DNAH14: variants seen among roughly 807,000 people sequenced by gnomAD.
The protein encoded by DNAH14 is dynein axonemal heavy chain 14, also known as axonemal beta dynein heavy chain 14.
DNAH14 carries 478 observed loss-of-function variants against 520.9 expected under a neutral mutation model. The ratio of observed to expected loss-of-function variants is 0.92; its 90% CI spans 0.85 to 0.99. The LOEUF (loss-of-function observed/expected upper bound fraction) is 0.99, where lower values mean the gene tolerates loss of function less well. Among genes scored for constraint, DNAH14 ranks in the 50% least tolerant of loss-of-function variants. The probability of loss-of-function intolerance (pLI) is 0.00; values close to 1 mark genes in which losing one functional copy is unlikely to be tolerated. For missense variants in DNAH14, 4,831 were observed against 5,234.5 expected, an observed-to-expected ratio of 0.92 and a Z score of 2.38; for synonymous variants, 1,581 against 1,757.2, an observed-to-expected ratio of 0.90 and a Z score of 2.51.
intron 17 of DNAH14, among the ~76,000 whole-genome samples, chr1:225,066,503 T>C (rs958029780): frequency 6.6e-6 from 1 of 152,062 alleles, no homozygotes; most frequent in African/African-American, 2.4e-5. Context: ...TTTTATTATG[T>C]ATTTTTATTT....
intron 37 of DNAH14, among the ~76,000 whole-genome samples, chr1:225,191,206 T>C (rs2085388060): frequency 6.6e-6 from 1 of 152,048 alleles, no homozygotes. Flanking sequence ...CATTTGAGCC[T>C]GAAGCATTTA....
chr1:225,319,301 A>T (rs1463586756), intron 61 of DNAH14, among the ~76,000 whole-genome samples: 2 of 152,202 alleles, frequency 1.3e-5, no homozygotes, highest in Non-Finnish European at 2.9e-5. Flanking sequence ...GGCTACAAAG[A>T]TCTGAGCCTA....
At chr1:225,154,337 T>C (rs1365524285) in intron 34 of DNAH14, among the ~76,000 whole-genome samples, 3 of 152,118 alleles carry the variant, frequency 2.0e-5, no homozygotes, top group Non-Finnish European at 4.4e-5. Flanking sequence ...TAAAAGGATA[T>C]TTAGTTTGTT....
At chr1:225,196,679 A>AT (rs2086184261) in intron 38 of DNAH14, among the ~76,000 whole-genome samples, 1 of 151,810 alleles carries the variant, frequency 6.6e-6, no homozygotes, top group African/African-American at 2.4e-5. Context: ...CCAACATCTT[A>AT]TTTTTGATTT....
At chr1:225,205,937 G>A (rs1039832542) in intron 39 of DNAH14, 34 bp from the exon 40 acceptor site, 26 of 1,485,832 alleles carry the variant, frequency 1.7e-5, no homozygotes, top group Non-Finnish European at 2.4e-5. Context: ...ACGGACATTA[G>A]TCTCAGTTAC....
intron 15 of DNAH14, among the ~76,000 whole-genome samples, chr1:225,046,625 T>C (rs1473919073): frequency 6.6e-6 from 1 of 152,144 alleles, no homozygotes; most frequent in Non-Finnish European, 1.5e-5. Flanking sequence ...ATGTTTTCCA[T>C]TGTATTTCTG....
At chr1:225,280,521 C>A (rs980814520) in intron 54 of DNAH14, among the ~76,000 whole-genome samples, 8 of 151,840 alleles carry the variant, frequency 5.3e-5, no homozygotes, top group Non-Finnish European at 1.2e-4. Flanking sequence ...ATGATGTGAA[C>A]CTGGGAGGCA....
At chr1:225,283,322 A>G (rs915591231) in intron 54 of DNAH14, among the ~76,000 whole-genome samples, 13 of 152,056 alleles carry the variant, frequency 8.5e-5, no homozygotes, top group African/African-American at 3.1e-4. Flanking sequence ...ATGGCTGAAA[A>G]TGAAAGGATG....
At chr1:225,100,968 A>C in intron 23 of DNAH14, 84 bp downstream of exon 23, 1 of 1,119,852 alleles carries the variant, frequency 8.9e-7, no homozygotes, top group Non-Finnish European at 1.2e-6. Context: ...TGCAGAAGCT[A>C]ATTCCAGTGC....
intron 57 of DNAH14, among the ~76,000 whole-genome samples, chr1:225,303,776 G>A (rs1286772336): frequency 6.6e-6 from 1 of 152,214 alleles, no homozygotes; most frequent in Non-Finnish European, 1.5e-5. Context: ...CAGAATTTAT[G>A]AGCCAACAGT....
intron 75 of DNAH14, among the ~76,000 whole-genome samples, chr1:225,362,324 C>T (rs1296257718): frequency 6.6e-6 from 1 of 152,164 alleles, no homozygotes; most frequent in Non-Finnish European, 1.5e-5. Context: ...CCTGTAATCC[C>T]AGCACTTTGG....
At position 225,308,281 on chromosome 1, in the gene DNAH14, T is replaced by C. The variant is rs756575901; in HGVS notation, c.9115-4T>C. 5 of 1,533,992 alleles carry C rather than the reference T, an allele frequency of 3.3e-6. No individual in the cohort carries two copies. Among genetic ancestry groups the C allele is most frequent in the Non-Finnish European group, 4.4e-6 (5 of 1,142,728 alleles). ...ATTCTAAGAACAATTATGTGCTTCA[T>C]TAGGAAACAGAAACTCTAATGGAAA... is the stretch of plus-strand genomic sequence containing the variant. On this transcript the variant is annotated splice_polypyrimidine_tract_variant and splice_region_variant and intron_variant, in intron 59 of 85. Transcript: ENST00000682510.
At chr1:225,201,564 A>T (rs2086824249) in intron 38 of DNAH14, among the ~76,000 whole-genome samples, 1 of 152,134 alleles carries the variant, frequency 6.6e-6, no homozygotes, top group South Asian at 2.1e-4. Context: ...TATTCCCTTA[A>T]TGTAGTACTC....
At chr1:225,169,712 A>C (rs893520855) in intron 36 of DNAH14, among the ~76,000 whole-genome samples, 1 of 152,248 alleles carries the variant, frequency 6.6e-6, no homozygotes, top group Non-Finnish European at 1.5e-5. Context: ...GATATTTTCC[A>C]GGAGAACTTC....
At chr1:225,040,046 T>C (rs1240138579) in intron 12 of DNAH14, among the ~76,000 whole-genome samples, 7 of 149,576 alleles carry the variant, frequency 4.7e-5, no homozygotes, top group African/African-American at 1.5e-4. Flanking sequence ...CACGCCATTC[T>C]CCTGCCTCAG....
chr1:225,050,125 A>T, intron 15 of DNAH14, 85 bp from the exon 16 acceptor site: 1 of 1,184,648 alleles, frequency 8.4e-7, no homozygotes, highest in Non-Finnish European at 1.1e-6. Context: ...CCCCATTTTC[A>T]ATAGTTCTAG....
intron 8 of DNAH14, among the ~76,000 whole-genome samples, chr1:224,998,677 A>G (rs1319671392): frequency 6.6e-6 from 1 of 150,916 alleles, no homozygotes; most frequent in African/African-American, 2.5e-5. Context: ...TGTTGTTTCC[A>G]GGATATGGTC....
intron 43 of DNAH14, among the ~76,000 whole-genome samples, chr1:225,244,071 A>G (rs532141964): frequency 6.6e-6 from 1 of 151,992 alleles, no homozygotes; most frequent in East Asian, 1.9e-4. Context: ...TGTTGAATTT[A>G]TCGAAGGCCT....
At chr1:225,374,182 T>TATATATATATATATACAC (rs1263904206) in intron 77 of DNAH14, among the ~76,000 whole-genome samples, 4 of 97,128 alleles carry the variant, frequency 4.1e-5, no homozygotes, top group African/African-American at 1.4e-4. Flanking sequence ...TATATATATA[T>TATATATATATATATACAC]ACTATTCTAG....
Sources: gnomAD v4.1 joint callset for allele counts (sites outside exome capture counted in the v4.1 genomes callset) on GRCh38, gnomAD v4.1.1 for gene constraint, MANE v1.5 for transcripts, NCBI Gene and HGNC (gene_info 2026-07-23, HGNC 2026-07-21) for gene names.